Variants in HNF4G observed in about 807,000 individuals in gnomAD.
HNF4G encodes hepatocyte nuclear factor 4-gamma.
In HNF4G, 21 loss-of-function variants were observed where a neutral mutation model predicts 50.9. That is an observed-to-expected ratio of 0.41 (90% CI 0.29 to 0.59). HNF4G has a LOEUF of 0.59. Among genes scored for constraint, HNF4G ranks in the 20% least tolerant of loss-of-function variants. HNF4G has a pLI of 0.26. For missense variants in HNF4G, 527 were observed against 559.4 expected, an observed-to-expected ratio of 0.94 and a Z score of 0.58; for synonymous variants, 198 against 185.6, an observed-to-expected ratio of 1.07 and a Z score of -0.54.
chr8:75,530,142 A>G (rs897396767), intron 2 of HNF4G, among the ~76,000 whole-genome samples: 4 of 152,142 alleles, frequency 2.6e-5, no homozygotes, highest in African/African-American at 9.7e-5. Flanking sequence ...CGGCCTAAAT[A>G]CATTATACCT....
chr8:75,491,764 C>G (rs1250027451), intron 2 of HNF4G, among the ~76,000 whole-genome samples: 2 of 152,208 alleles, frequency 1.3e-5, no homozygotes, highest in Non-Finnish European at 2.9e-5. Flanking sequence ...GCGTGAGCCA[C>G]CGCGTCAGGC....
intron 1 of HNF4G, among the ~76,000 whole-genome samples, chr8:75,480,442 C>T (rs1812349859): frequency 6.6e-6 from 1 of 152,120 alleles, no homozygotes; most frequent in South Asian, 2.1e-4. Context: ...TAATTTTTAT[C>T]AGTGAAACCA....
chr8:75,434,656 G>A (rs1811095000), intron 1 of HNF4G, among the ~76,000 whole-genome samples: 1 of 149,180 alleles, frequency 6.7e-6, no homozygotes, highest in African/African-American at 2.5e-5. Flanking sequence ...AATGATTCCA[G>A]AACACAAACA....
intron 1 of HNF4G, among the ~76,000 whole-genome samples, chr8:75,413,690 G>A (rs1489283681): frequency 1.3e-5 from 2 of 151,608 alleles, no homozygotes; most frequent in African/African-American, 2.4e-5. Context: ...TCAACATGAT[G>A]AAACCCCACA....
chr8:75,523,502 A>G (rs936927688), intron 2 of HNF4G, among the ~76,000 whole-genome samples: 7 of 152,282 alleles, frequency 4.6e-5, no homozygotes, highest in African/African-American at 1.7e-4. Context: ...TCCTAGATAT[A>G]TAATAAACTA....
intron 2 of HNF4G, among the ~76,000 whole-genome samples, chr8:75,546,381 TG>T (rs2130793210): frequency 6.6e-6 from 1 of 152,212 alleles, no homozygotes; most frequent in South Asian, 2.1e-4. Flanking sequence ...TTTATGTGTT[TG>T]TTTGTTTGTT....
chr8:75,517,219 A>G (rs565186982), intron 2 of HNF4G, among the ~76,000 whole-genome samples: 1 of 152,264 alleles, frequency 6.6e-6, no homozygotes, highest in East Asian at 1.9e-4. Flanking sequence ...TGGGAGCTAT[A>G]TTTTAAGATG....
intron 1 of HNF4G, among the ~76,000 whole-genome samples, chr8:75,479,621 A>T (rs1055442778): frequency 6.6e-6 from 1 of 151,350 alleles, no homozygotes; most frequent in Admixed American, 6.6e-5. Flanking sequence ...ATAAAGAAAT[A>T]GCGATGCTGT....
At chr8:75,538,718 T>C (rs921344282), upstream of HNF4G, among the ~76,000 whole-genome samples, 2 of 152,168 alleles carry the variant, frequency 1.3e-5, no homozygotes, top group African/African-American at 4.8e-5. Flanking sequence ...GTATACAGAA[T>C]ATGAGGGCAA....
At chr8:75,471,626 ATCTT>A (rs1247778773) in intron 1 of HNF4G, among the ~76,000 whole-genome samples, 1 of 152,108 alleles carries the variant, frequency 6.6e-6, no homozygotes, top group Non-Finnish European at 1.5e-5. Flanking sequence ...TTTCCAATTT[ATCTT>A]TCTTTCTTTT....
chr8:75,503,445 AGT>A (rs1224355495), intron 2 of HNF4G, among the ~76,000 whole-genome samples: 1 of 152,210 alleles, frequency 6.6e-6, no homozygotes, highest in Non-Finnish European at 1.5e-5. Context: ...TTGGGTGTAC[AGT>A]GTCTCTGGCT....
intron 1 of HNF4G, among the ~76,000 whole-genome samples, chr8:75,542,534 C>T (rs1291804151): frequency 2.9e-5 from 2 of 69,842 alleles, no homozygotes; most frequent in Non-Finnish European, 5.2e-5. Context: ...TCAATGACGA[C>T]GAAAAAAAAA....
At chr8:75,428,539 TC>T (rs1339881051) in intron 1 of HNF4G, among the ~76,000 whole-genome samples, 1 of 152,076 alleles carries the variant, frequency 6.6e-6, no homozygotes, top group African/African-American at 2.4e-5. Context: ...GCTGATACAA[TC>T]TAATCAAGAA....
intron 2 of HNF4G, among the ~76,000 whole-genome samples, chr8:75,491,483 T>C (rs997513022): frequency 1.4e-5 from 2 of 148,010 alleles, no homozygotes; most frequent in African/African-American, 4.9e-5. Context: ...TTTCTTTCCT[T>C]TTTTTTTTTA....
At chr8:75,433,716 C>A (rs914978347) in intron 1 of HNF4G, among the ~76,000 whole-genome samples, 1 of 151,930 alleles carries the variant, frequency 6.6e-6, no homozygotes, top group Non-Finnish European at 1.5e-5. Context: ...CAATTTTAAA[C>A]CTTTATGCAT....
intron 1 of HNF4G, among the ~76,000 whole-genome samples, chr8:75,543,338 T>A (rs962981326): frequency 6.6e-6 from 1 of 152,156 alleles, no homozygotes; most frequent in Non-Finnish European, 1.5e-5. Context: ...GATGGATCCA[T>A]TGACTGATAC....
chr8:75,475,133 C>T (rs1250281426), intron 1 of HNF4G, among the ~76,000 whole-genome samples: 2 of 152,058 alleles, frequency 1.3e-5, no homozygotes, highest in African/African-American at 2.4e-5. Context: ...CCTCAGCCTC[C>T]CGAGTAGCTG....
chr8:75,424,175 T>C (rs1810841116), intron 1 of HNF4G, among the ~76,000 whole-genome samples: 1 of 152,148 alleles, frequency 6.6e-6, no homozygotes, highest in Non-Finnish European at 1.5e-5. Context: ...TTTATATTTA[T>C]TCACTATGAG....
chr8:75,416,891 C>T (rs1376683576), intron 1 of HNF4G, among the ~76,000 whole-genome samples: 1 of 152,166 alleles, frequency 6.6e-6, no homozygotes, highest in Non-Finnish European at 1.5e-5. Context: ...AGCATGTTAG[C>T]AAACTTCCTG....
Sources: allele counts gnomAD v4.1 joint callset (sites outside exome capture counted in the v4.1 genomes callset), GRCh38; gene constraint gnomAD v4.1.1; transcripts MANE v1.5; gene names NCBI Gene and HGNC (gene_info 2026-07-23, HGNC 2026-07-21).